TENM2: variants seen among roughly 807,000 people sequenced by gnomAD.
The protein encoded by TENM2 is teneurin transmembrane protein 2.
In TENM2, 52 loss-of-function variants were observed where a neutral mutation model predicts 245.2. The observed-to-expected ratio is 0.21, with a 90% CI of 0.17 to 0.27. The LOEUF (loss-of-function observed/expected upper bound fraction) is 0.27. TENM2 is among the 10% of genes least tolerant of loss of function. TENM2 has a pLI of 1.00. For synonymous variants in TENM2, 1,363 were observed against 1,438.9 expected, an observed-to-expected ratio of 0.95 and a Z score of 1.19; for missense variants, 3,046 against 3,666.8, an observed-to-expected ratio of 0.83 and a Z score of 4.37.
the TENM2 span, among the ~76,000 whole-genome samples, chr5:167,030,979 G>C: frequency 6.6e-6 from 1 of 152,202 alleles, no homozygotes; most frequent in East Asian, 1.9e-4. Flanking sequence ...AATCACCTAA[G>C]GAGTTGCGGA....
At chr5:167,637,061 A>T (rs1283633644) in intron 2 of TENM2, among the ~76,000 whole-genome samples, 1 of 152,136 alleles carries the variant, frequency 6.6e-6, no homozygotes, top group Admixed American at 6.5e-5. Context: ...CTCATGCACG[A>T]TATGGGGGAA....
intron 2 of TENM2, among the ~76,000 whole-genome samples, chr5:167,655,750 A>G (rs1253557617): frequency 2.0e-5 from 3 of 152,234 alleles, no homozygotes; most frequent in African/African-American, 4.8e-5. Flanking sequence ...GGTGTCATCT[A>G]TCAGCAAACA....
At chr5:168,204,427 C>G in exon 19 of TENM2, 4 of 1,614,010 alleles carry the variant, frequency 2.5e-6, no homozygotes, top group Non-Finnish European at 3.4e-6. Flanking sequence ...AGCCTGCCAT[C>G]ATCACCAGCA....
chr5:167,137,580 A>G, the TENM2 span, among the ~76,000 whole-genome samples: 662 of 152,286 alleles, frequency 4.3e-3, 6 homozygotes, highest in African/African-American at 0.014. Flanking sequence ...GGGTTAAGCC[A>G]TGAGTTTTTC....
the TENM2 span, among the ~76,000 whole-genome samples, chr5:167,111,833 A>C: frequency 2.0e-5 from 3 of 152,208 alleles, no homozygotes; most frequent in African/African-American, 7.2e-5. Context: ...ATCTGTCTGC[A>C]TCATGTCCTT....
At chr5:168,056,158 T>C (rs1226983970) in intron 6 of TENM2, among the ~76,000 whole-genome samples, 1 of 152,226 alleles carries the variant, frequency 6.6e-6, no homozygotes, top group Non-Finnish European at 1.5e-5. Context: ...CTGTTCTTTT[T>C]GACCTTAGAG....
At chr5:167,737,594 G>T (rs1240127079) in intron 2 of TENM2, among the ~76,000 whole-genome samples, 1 of 152,142 alleles carries the variant, frequency 6.6e-6, no homozygotes, top group African/African-American at 2.4e-5. Context: ...GCAGCCCTCT[G>T]GAGGTCTACA....
intron 2 of TENM2, among the ~76,000 whole-genome samples, chr5:167,388,668 C>G (rs1455549395): frequency 6.6e-6 from 1 of 151,998 alleles, no homozygotes; most frequent in South Asian, 2.1e-4. Context: ...TTAGAACCAC[C>G]TTTGCTGTGT....
the TENM2 span, among the ~76,000 whole-genome samples, chr5:166,982,263 T>C: frequency 6.6e-6 from 1 of 152,168 alleles, no homozygotes; most frequent in African/African-American, 2.4e-5. Flanking sequence ...TTAGAGTTCC[T>C]ACTTTCATTT....
intron 2 of TENM2, among the ~76,000 whole-genome samples, chr5:167,593,901 A>T (rs1776035410): frequency 6.6e-6 from 1 of 152,142 alleles, no homozygotes; most frequent in South Asian, 2.1e-4. Flanking sequence ...TGAAATATCC[A>T]TGTTGTGGGC....
intron 2 of TENM2, among the ~76,000 whole-genome samples, chr5:167,550,732 G>C (rs1193121468): frequency 6.7e-6 from 1 of 148,446 alleles, no homozygotes; most frequent in Non-Finnish European, 1.5e-5. Flanking sequence ...GTGTGTGTGT[G>C]TGTGTGTGTG....
rs138634777 is a variant in TENM2 at position 167,939,359 on chromosome 5, G to A, written c.713-13229G>A. On this transcript the variant is annotated intron_variant, in intron 3 of 28. Coordinates refer to ENST00000518659, the Ensembl canonical transcript of TENM2. ...TGCTGCCACTGATGTGACAGGAGGC[G>A]GAGCTCAGGCAGTAATGCGTGTTCA... Among the ~76,000 whole-genome samples, 930 of 152,264 alleles carry A rather than the reference G, an allele frequency of 6.1e-3. 6 individuals are homozygous for A. Among genetic ancestry groups the A allele is most frequent in the South Asian group, 0.033 (160 of 4,824 alleles).
intron 25 of TENM2, among the ~76,000 whole-genome samples, chr5:168,232,112 A>AAGAC (rs1191538933): frequency 6.6e-6 from 1 of 152,210 alleles, no homozygotes; most frequent in South Asian, 2.1e-4. Context: ...GGTATGGAGG[A>AAGAC]AGACAGATGA....
chr5:168,200,324 G>C (rs772421703), intron 17 of TENM2, among the ~76,000 whole-genome samples, 193 bp downstream of exon 19: 1 of 152,102 alleles, frequency 6.6e-6, no homozygotes, highest in Non-Finnish European at 1.5e-5. Flanking sequence ...AAATACAAGT[G>C]AAACAAAGAA....
chr5:167,524,521 T>A (rs1770977754), intron 2 of TENM2, among the ~76,000 whole-genome samples: 1 of 152,124 alleles, frequency 6.6e-6, no homozygotes, highest in Admixed American at 6.6e-5. Flanking sequence ...GTAATGTGTG[T>A]ACCATTCACC....
chr5:168,148,896 TAGA>T (rs1756367264), intron 12 of TENM2, among the ~76,000 whole-genome samples: 2 of 135,058 alleles, frequency 1.5e-5, no homozygotes, highest in Non-Finnish European at 3.3e-5. Flanking sequence ...GATAGATAGA[TAGA>T]TAGATAGATA....
Position 167,412,015 on chromosome 5 carries a change from A to G in TENM2, c.502+36542A>G, listed in dbSNP as rs547810186. Among the ~76,000 whole-genome samples the G allele has an allele frequency of 7.2e-5, 11 of 152,270 alleles. No individual in the cohort carries two copies. In the East Asian group the frequency reaches 2.1e-3, roughly 29 times the overall value. On this transcript the variant is annotated intron_variant, in intron 2 of 28. Coordinates refer to ENST00000518659, the Ensembl canonical transcript of TENM2. The stretch of plus-strand genomic sequence containing the variant: ...TCAGTGAGCTCACCAAGGAAATGTT[A>G]TCTGGGTGCTGGATTGGTAAAGAAA...
the TENM2 span, among the ~76,000 whole-genome samples, chr5:167,202,348 A>G: frequency 6.6e-6 from 1 of 151,926 alleles, no homozygotes; most frequent in African/African-American, 2.4e-5. Context: ...GCCCCTCTCC[A>G]GACACACCCC....
At chr5:168,153,878 C>T (rs180882759) in intron 12 of TENM2, among the ~76,000 whole-genome samples, 38 of 152,134 alleles carry the variant, frequency 2.5e-4, no homozygotes, top group African/African-American at 6.5e-4. Context: ...GAGAAACTCC[C>T]GGAGGATGTT....
Sources: allele counts gnomAD v4.1 joint callset (sites outside exome capture counted in the v4.1 genomes callset), GRCh38; gene constraint gnomAD v4.1.1; transcripts MANE v1.5; gene names NCBI Gene and HGNC (gene_info 2026-07-23, HGNC 2026-07-21).